CCDC112: variants seen among roughly 807,000 people sequenced by gnomAD.
CCDC112 encodes the protein coiled-coil domain-containing protein 112.
Under a neutral mutation model 66.3 loss-of-function variants are expected in CCDC112, and 40 were observed. The observed-to-expected ratio is 0.60, with a 90% confidence interval of 0.47 to 0.79. CCDC112 has a LOEUF of 0.79. CCDC112 is among the 30% of genes least tolerant of loss of function. CCDC112 has a pLI of 0.00. For missense variants in CCDC112, 659 were observed against 603.8 expected (o/e 1.09, Z -0.96); for synonymous variants, 214 against 197.2 (o/e 1.09, Z -0.71).
chr5:115,288,017 G>T (rs1175179531), intron 1 of CCDC112, among the ~76,000 whole-genome samples: 2 of 149,336 alleles, frequency 1.3e-5, no homozygotes, highest in African/African-American at 5.0e-5. Context: ...TTTTGCTCTT[G>T]TCATCCAGGC....
At chr5:115,290,420 C>T (rs1654438848) in intron 1 of CCDC112, among the ~76,000 whole-genome samples, 2 of 152,154 alleles carry the variant, frequency 1.3e-5, no homozygotes, top group Non-Finnish European at 1.5e-5. Flanking sequence ...AGTCCTTCAA[C>T]TTTGTTCTTC....
chr5:115,277,775 A>G (rs1749270869), intron 3 of CCDC112, among the ~76,000 whole-genome samples: 1 of 152,166 alleles, frequency 6.6e-6, no homozygotes, highest in South Asian at 2.1e-4. Context: ...TGAAGGAATA[A>G]TCTTACTTTA....
intron 1 of CCDC112, among the ~76,000 whole-genome samples, chr5:115,287,117 A>G (rs567771977): frequency 9.4e-4 from 143 of 152,196 alleles, no homozygotes; most frequent in Non-Finnish European, 1.5e-3. Flanking sequence ...TGTTTTCCAC[A>G]GTGGCAGCAC....
Position 115,274,340 on chromosome 5 carries a change from T to G in CCDC112, c.918+876A>C, listed in dbSNP as rs149223954. Among the ~76,000 whole-genome samples, 1,007 of 152,288 alleles carry G rather than the reference T, an allele frequency of 6.6e-3. 5 individuals are homozygous for G. The highest frequency in any genetic ancestry group is 0.01 in the Middle Eastern group (3 of 294). The stretch of plus-strand genomic sequence containing the variant: ...TAGTATCAAGGTTAAGAAATCCTGA[T>G]CTAATGCAAAGCCAGAGTAATATTT... On this transcript the variant is annotated intron_variant, in intron 6 of 9. Coordinates refer to ENST00000379611, the MANE Select transcript of CCDC112 (RefSeq NM_001040440.3).
Position 115,267,809 on chromosome 5 carries a change from G to A in CCDC112, c.*67C>T. On this transcript the variant is annotated 3_prime_UTR_variant, in exon 10 of 10. Coordinates refer to ENST00000379611, the MANE Select transcript of CCDC112 (RefSeq NM_001040440.3). ...TATTGATATTTAAAGAATGTGGTTA[G>A]TCACTCTCTCCCTGGTATAACTTAG... The A allele has an allele frequency of 8.3e-7, 1 of 1,210,328 alleles. No individual in the cohort carries two copies. The highest frequency in any genetic ancestry group is 1.2e-6 in the Non-Finnish European group (1 of 813,636). 75.0% of individuals were successfully genotyped at this position (1,210,328 alleles called of 1,614,324 possible). A position where few individuals can be genotyped will look rare whatever the true frequency, so the allele number is the denominator to read the frequency against.
At chr5:115,285,975 G>T (rs1749658429) in intron 1 of CCDC112, among the ~76,000 whole-genome samples, 1 of 152,070 alleles carries the variant, frequency 6.6e-6, no homozygotes, top group African/African-American at 2.4e-5. Context: ...AAGGAAACAA[G>T]GCTTCAAATT....
intron 2 of CCDC112, among the ~76,000 whole-genome samples, chr5:115,283,970 T>C (rs139920069): frequency 1.3e-5 from 2 of 152,246 alleles, no homozygotes; most frequent in East Asian, 3.9e-4. Flanking sequence ...ATATCAATGG[T>C]TGTTTAAAGA....
intron 6 of CCDC112, among the ~76,000 whole-genome samples, chr5:115,273,559 T>C (rs769549882): frequency 1.3e-5 from 2 of 152,166 alleles, no homozygotes; most frequent in Admixed American, 6.5e-5. Context: ...ACTGATGATA[T>C]ATCAGTCATC....
At chr5:115,285,782 T>C (rs1220300978) in intron 1 of CCDC112, among the ~76,000 whole-genome samples, 1 of 151,656 alleles carries the variant, frequency 6.6e-6, no homozygotes, top group East Asian at 1.9e-4. Flanking sequence ...GGTGTGGGGG[T>C]GGAGTGAGGC....
intron 2 of CCDC112, among the ~76,000 whole-genome samples, chr5:115,283,379 A>G (rs537308536): frequency 2.0e-5 from 3 of 152,200 alleles, no homozygotes; most frequent in East Asian, 3.9e-4. Context: ...GAGATCATGC[A>G]TTGTCTGTCT....
Position 115,269,630 on chromosome 5 carries a change from G to C in CCDC112, c.1428+73C>G, listed in dbSNP as rs1456878639. ...AATAAGGTGAGATATAAAGGAAATA[G>C]ATTTGATGTCAGTATCCTTACAAAT... On this transcript the variant is annotated intron_variant, in intron 8 of 9. Transcript: ENST00000379611. 6.0e-5 allele frequency: 61 copies of C among 1,018,446 alleles called. 1 individual carries two copies. In the East Asian group the frequency reaches 1.6e-3, roughly 26 times the overall value. 63.1% of individuals were successfully genotyped at this position (1,018,446 alleles called of 1,614,324 possible).
In CCDC112 at chr5:115,274,286, A is replaced by G. The variant is rs1019984042; in HGVS notation, c.918+930T>C. Among the ~76,000 whole-genome samples, 11 of 152,290 alleles carry G rather than the reference A, an allele frequency of 7.2e-5. 1 individual carries two copies. The highest frequency in any genetic ancestry group is 2.0e-4 in the Admixed American group (3 of 15,298). ...ATAATGCACAGAACAGGCCCCCACA[A>G]CAAAGAATTATCTAGCTCCAAATGT... On this transcript the variant is annotated intron_variant, in intron 6 of 9. Coordinates refer to ENST00000379611, the MANE Select transcript of CCDC112 (RefSeq NM_001040440.3).
intron 6 of CCDC112, among the ~76,000 whole-genome samples, chr5:115,272,770 T>C (rs902559122): frequency 6.6e-6 from 1 of 152,214 alleles, no homozygotes; most frequent in African/African-American, 2.4e-5. Flanking sequence ...CTTTATGGTA[T>C]GTATATATAC....
intron 1 of CCDC112, among the ~76,000 whole-genome samples, chr5:115,291,417 A>G (rs1749924433): frequency 6.6e-6 from 1 of 152,162 alleles, no homozygotes; most frequent in Non-Finnish European, 1.5e-5. Flanking sequence ...CTGTATTTAT[A>G]ACAGATACTA....
At position 115,276,028 on chromosome 5, in the gene CCDC112, C is replaced by T; in HGVS notation, c.493G>A (p.Ala165Thr). The T allele has an allele frequency of 3.1e-6, 5 of 1,606,312 alleles. No individual in the cohort carries two copies. The highest frequency in any genetic ancestry group is 3.4e-6 in the Non-Finnish European group (4 of 1,176,204). ...LREMMEEIEN[A>T]INTFKEEQRL... ...TGCTCTTCTTTAAAAGTGTTAATTG[C>T]ATTTTCAATTTCTTCCATCATTTCT... The change falls in exon 5 of 10, where the codon GCA (alanine) becomes ACA (threonine). Residue 165 changes from alanine to threonine, a missense_variant. Physicochemically the swap from Ala to Thr is moderately conservative, Grantham distance 58. Transcript: ENST00000379611.
intron 8 of CCDC112, 115 bp from the exon 9 acceptor site, chr5:115,269,115 C>T: frequency 3.9e-6 from 2 of 515,692 alleles, no homozygotes; most frequent in Non-Finnish European, 6.8e-6. Flanking sequence ...GCTAATAAAA[C>T]CATTAATAAC....
chr5:115,277,051 G>C lies in CCDC112; in HGVS notation c.365C>G (p.Ala122Gly), dbSNP rs370612378. ...KLIHSRKTERAKIQQQLAKIH... is the reference protein window; with the variant it reads ...KLIHSRKTERGKIQQQLAKIH... ...TTTGGCCAATTGTTGCTGGATTTTT[G>C]CTCCTATAAGAAAGAAGTATGCACT... The change falls in exon 4 of 10, where the codon GCA becomes GGA. Residue 122 changes from alanine (A) to glycine (G), a missense_variant. Physicochemically the swap from Ala to Gly is moderately conservative, Grantham distance 60. Coordinates refer to ENST00000379611, the MANE Select transcript of CCDC112 (RefSeq NM_001040440.3). The C allele has an allele frequency of 6.3e-7, 1 of 1,586,796 alleles. No individual in the cohort carries two copies. The highest frequency in any genetic ancestry group is 1.3e-5 in the African/African-American group (1 of 74,252).
At chr5:115,271,922 C>CTT (rs34279929) in intron 6 of CCDC112, among the ~76,000 whole-genome samples, 39 of 131,914 alleles carry the variant, frequency 3.0e-4, no homozygotes, top group Admixed American at 5.5e-4. Context: ...TTTACTGCTT[C>CTT]TTTTTTTTTT....
In CCDC112 at chr5:115,268,984, C is replaced by T. The variant is rs747420116; in HGVS notation, c.1445G>A (p.Ser482Asn). Residue 482 changes from serine to asparagine, a missense_variant, in exon 9 of 10, where the codon AGT (serine) becomes AAT (asparagine). By Grantham distance (46) the Ser-to-Asn change is conservative. Transcript: ENST00000379611. ...TTTGTAAAGCCTAGAGGGATCTCTA[C>T]TAACATTGTTTTCAACCTGTAATCA... is the stretch of plus-strand genomic sequence containing the variant. The part of the protein sequence containing the change: ...KLKEKVENNV[S>N]RDPSRLYKPT... The T allele has an allele frequency of 3.1e-6, 5 of 1,590,824 alleles. No individual in the cohort carries two copies. In the African/African-American group the frequency reaches 5.4e-5, roughly 17 times the overall value.
Sources: allele counts gnomAD v4.1 joint callset (sites outside exome capture counted in the v4.1 genomes callset), GRCh38; gene constraint gnomAD v4.1.1; transcripts MANE v1.5; gene names NCBI Gene and HGNC (gene_info 2026-07-23, HGNC 2026-07-21).